The following TRAPPC9 variants were observed in gnomAD, a reference collection of about 807,000 sequenced individuals.
TRAPPC9 encodes the protein trafficking protein particle complex subunit 9.
Under a neutral mutation model 124.0 loss-of-function variants are expected in TRAPPC9, and 83 were observed. That is an observed-to-expected ratio of 0.67 (90% confidence interval 0.56 to 0.80). The LOEUF is 0.80. TRAPPC9 is among the 30% of genes least tolerant of loss of function. The probability of loss-of-function intolerance (pLI) is 0.00; values close to 1 mark genes in which losing one functional copy is unlikely to be tolerated. For synonymous variants in TRAPPC9, 638 were observed against 617.5 expected (o/e 1.03, Z -0.49); for missense variants, 1,302 against 1,508.3 (o/e 0.86, Z 2.27).
chr8:139,744,571 C>G (rs1818767864), intron 21 of TRAPPC9, among the ~76,000 whole-genome samples: 1 of 152,198 alleles, frequency 6.6e-6, no homozygotes, highest in African/African-American at 2.4e-5. Flanking sequence ...TCCCGCTGAC[C>G]CCATGGACAC....
intron 16 of TRAPPC9, among the ~76,000 whole-genome samples, chr8:140,232,594 G>A (rs562615372): frequency 1.3e-5 from 2 of 152,284 alleles, no homozygotes; most frequent in South Asian, 4.1e-4. Flanking sequence ...CGGCCCCTCT[G>A]ACCTGAGGAA....
rs1241655689 is a variant in TRAPPC9, at chr8:139,979,357, C to T, written c.2810+9369G>A. On this transcript the variant is annotated intron_variant, in intron 19 of 22. Transcript: ENST00000438773. ...GGAGCTTCCCACTCACCCGCCCACT[C>T]GCAAGCCAAACGTCTCTAGCCCAGC... Among the ~76,000 whole-genome samples, 4 of 152,294 alleles carry T rather than the reference C, an allele frequency of 2.6e-5. No homozygotes were observed. The South Asian group carries it at 6.2e-4, about 24-fold the overall frequency.
intron 15 of TRAPPC9, among the ~76,000 whole-genome samples, chr8:140,263,679 G>A (rs1009542524): frequency 6.6e-5 from 10 of 152,140 alleles, no homozygotes; most frequent in African/African-American, 2.2e-4. Context: ...CCACTAGGAG[G>A]GGACAATGGT....
chr8:140,045,349 G>A (rs993084688), intron 17 of TRAPPC9, among the ~76,000 whole-genome samples: 1 of 152,200 alleles, frequency 6.6e-6, no homozygotes, highest in African/African-American at 2.4e-5. Flanking sequence ...AGTCCGGCCA[G>A]GTGCGGTGGC....
intron 21 of TRAPPC9, among the ~76,000 whole-genome samples, chr8:139,841,535 G>A (rs992056318): frequency 2.0e-5 from 3 of 152,238 alleles, no homozygotes; most frequent in Admixed American, 2.0e-4. Flanking sequence ...TGTGCTCATG[G>A]TCAACACACC....
intron 9 of TRAPPC9, among the ~76,000 whole-genome samples, chr8:140,340,377 T>C (rs2067161716): frequency 6.6e-6 from 1 of 152,156 alleles, no homozygotes; most frequent in African/African-American, 2.4e-5. Flanking sequence ...AGATAGAAAC[T>C]TTTCTTTCTA....
rs536884910 is a variant in TRAPPC9 at position 140,087,241 on chromosome 8, T to C, written c.2557-63162A>G. Among the ~76,000 whole-genome samples the C allele has an allele frequency of 5.9e-5, 9 of 152,258 alleles. No individual in the cohort carries two copies. The highest frequency in any genetic ancestry group is 9.6e-5 in the African/African-American group (4 of 41,540). The stretch of plus-strand genomic sequence containing the variant: ...CCAGTCCCTGGCTCTTCCTCCTCTG[T>C]CTCCCGTGCCCTCCCCCCGGCCCCA... On this transcript the variant is annotated intron_variant, in intron 17 of 22. Coordinates refer to ENST00000438773, the MANE Select transcript of TRAPPC9 (RefSeq NM_001160372.4). This position sits in a 1 kb window ranked among gnomAD's most constrained non-coding sequence, Gnocchi z 4.6.
In TRAPPC9 at chr8:140,139,729, T is replaced by C. The variant is rs556459627; in HGVS notation, c.2556+81730A>G. 3.3e-5 allele frequency among the ~76,000 whole-genome samples: 5 copies of C among 151,994 alleles called. No individual in the cohort carries two copies. In the East Asian group the frequency reaches 9.7e-4, roughly 29 times the overall value. Reference sequence around the variant, plus strand: ...AGGCAAAATAACCTATGGTATTAGGTTTGGGACAGCTGCTACCCTGGGGAG... The same window carrying C: ...AGGCAAAATAACCTATGGTATTAGGCTTGGGACAGCTGCTACCCTGGGGAG... On this transcript the variant is annotated intron_variant, in intron 17 of 22. Transcript: ENST00000438773.
At chr8:140,074,504 G>A (rs76456923) in intron 17 of TRAPPC9, among the ~76,000 whole-genome samples, 7,278 of 152,296 alleles carry the variant, frequency 0.048, 235 homozygotes, top group East Asian at 0.076. Flanking sequence ...GTAGGGGAAG[G>A]AAGGAGATGC....
intron 16 of TRAPPC9, among the ~76,000 whole-genome samples, chr8:140,236,143 C>T (rs1160304722): frequency 2.2e-5 from 3 of 136,352 alleles, no homozygotes; most frequent in African/African-American, 8.4e-5. Flanking sequence ...AGTGCTGTGG[C>T]GTGATCTTGG....
chr8:139,790,793 G>A (rs997149723), intron 21 of TRAPPC9, among the ~76,000 whole-genome samples: 25 of 152,186 alleles, frequency 1.6e-4, no homozygotes, highest in African/African-American at 6.0e-4. Flanking sequence ...CCCCAGCATT[G>A]GAGGTGGGGC....
chr8:139,912,528 C>G (rs999724468), intron 19 of TRAPPC9, among the ~76,000 whole-genome samples: 1 of 152,222 alleles, frequency 6.6e-6, no homozygotes, highest in Admixed American at 6.5e-5. Context: ...AGACATGGAG[C>G]CACTCATTGG....
intron 21 of TRAPPC9, among the ~76,000 whole-genome samples, chr8:139,763,688 G>A (rs1820391551): frequency 6.6e-6 from 1 of 152,200 alleles, no homozygotes; most frequent in Non-Finnish European, 1.5e-5. Context: ...GCACACACAC[G>A]TCGATCATTC....
intron 19 of TRAPPC9, among the ~76,000 whole-genome samples, chr8:139,958,602 C>T (rs1165575169): frequency 2.0e-5 from 3 of 152,230 alleles, no homozygotes; most frequent in Non-Finnish European, 4.4e-5. Flanking sequence ...GAGACCCACG[C>T]TCTTCTGCAA....
chr8:140,451,451 G>GCTCT, intron 1 of TRAPPC9, 68 bp from the exon 2 acceptor site: 1 of 1,371,318 alleles, frequency 7.3e-7, no homozygotes, highest in Non-Finnish European at 1.0e-6. Flanking sequence ...ACCCTGGGAG[G>GCTCT]CAGTGACTGT....
At chr8:140,412,431 T>C (rs766985014) in intron 5 of TRAPPC9, among the ~76,000 whole-genome samples, 1 of 152,174 alleles carries the variant, frequency 6.6e-6, no homozygotes, top group Non-Finnish European at 1.5e-5. Flanking sequence ...AACTGCTGTA[T>C]TGGAACAGCT....
At chr8:140,086,929 C>A (rs900938993) in intron 17 of TRAPPC9, among the ~76,000 whole-genome samples, 11 of 148,744 alleles carry the variant, frequency 7.4e-5, no homozygotes, top group African/African-American at 2.8e-4. Flanking sequence ...GAGACTGTCT[C>A]AAAAAAAGAA....
Position 140,328,180 on chromosome 8 carries a change from A to G in TRAPPC9, c.1496-16806T>C, listed in dbSNP as rs140215137. Among the ~76,000 whole-genome samples the G allele has an allele frequency of 6.6e-5, 10 of 152,234 alleles. No individual in the cohort carries two copies. The East Asian group carries it at 1.7e-3, about 26-fold the overall frequency. ...TCAGACAGAAGAATCGCTTGAAGCC[A>G]GGGAGCGGAGGTTGCAGTAAGCCGA... On this transcript the variant is annotated intron_variant, in intron 9 of 22. Transcript: ENST00000438773.
At chr8:140,340,295 G>A (rs1173369679) in intron 9 of TRAPPC9, among the ~76,000 whole-genome samples, 1 of 152,220 alleles carries the variant, frequency 6.6e-6, no homozygotes, top group Non-Finnish European at 1.5e-5. Context: ...CAATCTTTTG[G>A]TAACTTTAGC....
Sources: gnomAD v4.1 joint callset for allele counts (sites outside exome capture counted in the v4.1 genomes callset) on GRCh38, gnomAD v4.1.1 for gene constraint, Gnocchi (gnomAD v3.1) non-coding constraint, MANE v1.5 for transcripts, NCBI Gene and HGNC (gene_info 2026-07-23, HGNC 2026-07-21) for gene names.